The following NRXN1 variants were observed in gnomAD, a reference collection of about 807,000 sequenced individuals.
NRXN1 encodes neurexin 1.
In NRXN1, 39 loss-of-function variants were observed where a neutral mutation model predicts 150.9. The ratio of observed to expected loss-of-function variants is 0.26; its 90% confidence interval spans 0.20 to 0.34. The LOEUF (loss-of-function observed/expected upper bound fraction) is 0.34, where lower values mean the gene tolerates loss of function less well. NRXN1 is among the 10% of genes least tolerant of loss of function. The pLI is 1.00. For synonymous variants in NRXN1, 924 were observed against 757.0 expected, an observed-to-expected ratio of 1.22 and a Z score of -3.62; for missense variants, 1,815 against 1,949.9, an observed-to-expected ratio of 0.93 and a Z score of 1.30.
intron 17 of NRXN1, among the ~76,000 whole-genome samples, chr2:50,382,528 C>A (rs146431243): frequency 6.6e-6 from 1 of 152,186 alleles, no homozygotes; most frequent in Non-Finnish European, 1.5e-5. Flanking sequence ...AAGAGGAAAC[C>A]TTTCTCCTGG....
intron 5 of NRXN1, among the ~76,000 whole-genome samples, chr2:50,806,075 G>A (rs887875370): frequency 2.6e-5 from 4 of 152,132 alleles, no homozygotes; most frequent in African/African-American, 9.7e-5. Context: ...ATAATTTATT[G>A]CATTGTACTT....
intron 17 of NRXN1, among the ~76,000 whole-genome samples, chr2:50,261,000 C>T (rs2068212011): frequency 6.6e-6 from 1 of 151,520 alleles, no homozygotes; most frequent in African/African-American, 2.4e-5. Context: ...TGAAAAAGAA[C>T]AGAGAAAAAA....
chr2:50,132,769 G>A (rs561734676), intron 18 of NRXN1, among the ~76,000 whole-genome samples: 13 of 151,956 alleles, frequency 8.6e-5, no homozygotes, highest in East Asian at 5.8e-4. Flanking sequence ...TTGAGGAAAC[G>A]TCTAATGTAC....
At position 50,906,014 on chromosome 2, in the gene NRXN1, G is replaced by C. The variant is rs562609381; in HGVS notation, c.832+15855C>G. ...TGGAATATGTGCAGAAATATGACCTGGCTAATAGTACAGAGTCAAAGCTGG... is the reference window on the plus strand; with the variant it reads ...TGGAATATGTGCAGAAATATGACCTCGCTAATAGTACAGAGTCAAAGCTGG... On this transcript the variant is annotated intron_variant, in intron 5 of 22. Transcript: ENST00000401669. Among the ~76,000 whole-genome samples, 3 of 152,160 alleles carry C rather than the reference G, an allele frequency of 2.0e-5. No homozygotes were observed. The South Asian group carries it at 6.2e-4, about 32-fold the overall frequency.
chr2:49,999,136 G>A (rs1003665833), intron 21 of NRXN1, among the ~76,000 whole-genome samples: 1 of 152,098 alleles, frequency 6.6e-6, no homozygotes, highest in Non-Finnish European at 1.5e-5. Flanking sequence ...TTTGCTGCTG[G>A]TCTTTGCAAC....
At chr2:50,349,648 T>TTCTA (rs1207181770) in intron 17 of NRXN1, among the ~76,000 whole-genome samples, 1 of 152,210 alleles carries the variant, frequency 6.6e-6, no homozygotes, top group African/African-American at 2.4e-5. Context: ...ATACTCATGT[T>TTCTA]TCTATCTTTC....
At chr2:50,375,502 C>G (rs1434269700) in intron 17 of NRXN1, among the ~76,000 whole-genome samples, 1 of 145,894 alleles carries the variant, frequency 6.9e-6, no homozygotes, top group Admixed American at 6.9e-5. Flanking sequence ...AATTCTGAAG[C>G]TCTTAATCAC....
At chr2:50,225,825 A>T (rs1164224497) in intron 18 of NRXN1, among the ~76,000 whole-genome samples, 1 of 152,028 alleles carries the variant, frequency 6.6e-6, no homozygotes, top group East Asian at 1.9e-4. Flanking sequence ...AATGCTAGCT[A>T]GCTAACCACA....
chr2:50,551,079 AGGAG>A (rs1249993941), intron 9 of NRXN1, among the ~76,000 whole-genome samples: 22 of 114,526 alleles, frequency 1.9e-4, no homozygotes, highest in East Asian at 1.5e-3. Flanking sequence ...GAAGAAGAGG[AGGAG>A]GAGGAGGAGG....
chr2:50,965,204 G>A (rs1199969513), intron 2 of NRXN1, among the ~76,000 whole-genome samples: 1 of 151,208 alleles, frequency 6.6e-6, no homozygotes, highest in Non-Finnish European at 1.5e-5. Flanking sequence ...TGTATTTACA[G>A]ATGCAATACA....
chr2:50,347,114 T>A lies in NRXN1; in HGVS notation c.3365-110144A>T. The A allele has an allele frequency of 7.2e-7, 1 of 1,386,560 alleles. No individual in the cohort carries two copies. The highest frequency in any genetic ancestry group is 9.5e-7 in the Non-Finnish European group (1 of 1,053,342). The allele number at this position is 1,386,560 out of a possible 1,614,324, so 85.9% of individuals were successfully genotyped here. A position where few individuals can be genotyped will look rare whatever the true frequency, so the allele number is the denominator to read the frequency against. On this transcript the variant is annotated intron_variant, in intron 17 of 22. Transcript: ENST00000401669. The surrounding 1 kb of genome is among the most constrained non-coding windows in gnomAD (Gnocchi z 4.9). ...CCTCCTTCGGACAGTCTTCTCGGGG[T>A]CCTGGAGTCCGCCGTGCCTAGCACC...
chr2:50,747,298 C>T (rs929309810), intron 5 of NRXN1, among the ~76,000 whole-genome samples: 3 of 152,004 alleles, frequency 2.0e-5, no homozygotes, highest in African/African-American at 4.8e-5. Context: ...GTTCTTGACC[C>T]GTGAGACAGG....
intron 17 of NRXN1, among the ~76,000 whole-genome samples, chr2:50,295,478 T>G (rs2073449627): frequency 6.6e-6 from 1 of 152,092 alleles, no homozygotes; most frequent in Non-Finnish European, 1.5e-5. Context: ...ATTACCATCT[T>G]TAGCAAAAAA....
intron 21 of NRXN1, among the ~76,000 whole-genome samples, chr2:50,012,943 G>A (rs370605585): frequency 3.0e-4 from 45 of 152,114 alleles, no homozygotes; most frequent in African/African-American, 1.0e-3. Flanking sequence ...TCTTTGCTGT[G>A]GCACATGCTT....
At chr2:50,864,260 AAG>A (rs1559366726) in intron 5 of NRXN1, among the ~76,000 whole-genome samples, 1 of 152,016 alleles carries the variant, frequency 6.6e-6, no homozygotes, top group Non-Finnish European at 1.5e-5. Context: ...ATACAGTGGT[AAG>A]CAAAATCAGA....
intron 17 of NRXN1, among the ~76,000 whole-genome samples, chr2:50,314,305 G>A (rs922973110): frequency 5.9e-5 from 9 of 151,904 alleles, no homozygotes; most frequent in African/African-American, 2.2e-4. Flanking sequence ...CTTTCAGAGG[G>A]GGAAAAATGA....
At chr2:50,854,791 G>A (rs963539115) in intron 5 of NRXN1, among the ~76,000 whole-genome samples, 19 of 152,012 alleles carry the variant, frequency 1.2e-4, no homozygotes, top group African/African-American at 4.1e-4. Context: ...TCAGGCACAA[G>A]GGACTAGAAA....
At chr2:50,697,655 T>A (rs553394968) in intron 5 of NRXN1, among the ~76,000 whole-genome samples, 1 of 152,356 alleles carries the variant, frequency 6.6e-6, no homozygotes, top group Admixed American at 6.5e-5. Flanking sequence ...ACTATGGTGA[T>A]GTTTTGAAGA....
intron 18 of NRXN1, among the ~76,000 whole-genome samples, chr2:50,198,383 T>A (rs1010295530): frequency 6.6e-6 from 1 of 152,114 alleles, no homozygotes; most frequent in South Asian, 2.1e-4. Context: ...TGTAGGAGAA[T>A]AAGACTGCTC....
Sources: allele counts gnomAD v4.1 joint callset (sites outside exome capture counted in the v4.1 genomes callset), GRCh38; gene constraint gnomAD v4.1.1; non-coding constraint Gnocchi (gnomAD v3.1); transcripts MANE v1.5; gene names NCBI Gene and HGNC (gene_info 2026-07-23, HGNC 2026-07-21).